Variants in CATSPERT observed in about 807,000 individuals in gnomAD.
CATSPERT encodes cation channel sperm-associated targeting subunit tau.
At chr2:201,601,402 A>G in the CATSPERT span, among the ~76,000 whole-genome samples, 1 of 151,816 alleles carries the variant, frequency 6.6e-6, no homozygotes, top group Non-Finnish European at 1.5e-5. Context: ...AGGAATGGGA[A>G]AGGAGATGGG....
chr2:201,616,603 A>G, the CATSPERT span, among the ~76,000 whole-genome samples: 1 of 152,224 alleles, frequency 6.6e-6, no homozygotes, highest in South Asian at 2.1e-4. Flanking sequence ...CCAATATCAT[A>G]CTGAATGGGC....
the CATSPERT span, among the ~76,000 whole-genome samples, chr2:201,579,026 AG>A: frequency 1.3e-5 from 2 of 152,142 alleles, no homozygotes; most frequent in African/African-American, 4.8e-5. Context: ...GTGTGTGTAT[AG>A]ATATGTTTGC....
At chr2:201,533,201 A>G in the CATSPERT span, among the ~76,000 whole-genome samples, 1 of 152,188 alleles carries the variant, frequency 6.6e-6, no homozygotes. Context: ...CTTAGACTGA[A>G]AGGAACAGGG....
chr2:201,572,404 G>A, the CATSPERT span, among the ~76,000 whole-genome samples: 4 of 152,140 alleles, frequency 2.6e-5, no homozygotes, highest in Non-Finnish European at 5.9e-5. Context: ...ACAGTATCAC[G>A]ATAGGTTAAG....
At chr2:201,604,035 A>C in the CATSPERT span, among the ~76,000 whole-genome samples, 1 of 152,154 alleles carries the variant, frequency 6.6e-6, no homozygotes, top group African/African-American at 2.4e-5. Context: ...TGACAGTTCT[A>C]TATGCATGTA....
At chr2:201,537,179 A>G in the CATSPERT span, among the ~76,000 whole-genome samples, 1 of 152,018 alleles carries the variant, frequency 6.6e-6, no homozygotes, top group Admixed American at 6.6e-5. Context: ...GTAGAACTTC[A>G]TGCTTTTTTC....
At chr2:201,490,892 G>A in the CATSPERT span, among the ~76,000 whole-genome samples, 7 of 151,886 alleles carry the variant, frequency 4.6e-5, no homozygotes, top group Middle Eastern at 3.2e-3. Flanking sequence ...CCCGGCTAAT[G>A]TTTTGTATTT....
At chr2:201,512,659 T>C in the CATSPERT span, among the ~76,000 whole-genome samples, 1 of 152,170 alleles carries the variant, frequency 6.6e-6, no homozygotes, top group Non-Finnish European at 1.5e-5. Flanking sequence ...ATTGTATGGA[T>C]GTACCAAAGT....
chr2:201,487,696 T>C, the CATSPERT span: 1 of 1,614,196 alleles, frequency 6.2e-7, no homozygotes, highest in Admixed American at 1.7e-5. Context: ...CTAAGCCTGA[T>C]GAAACCATTC....
the CATSPERT span, among the ~76,000 whole-genome samples, chr2:201,569,155 G>A: frequency 1.3e-5 from 2 of 152,132 alleles, no homozygotes; most frequent in Non-Finnish European, 2.9e-5. Flanking sequence ...AATACTAACA[G>A]CATAAATTTT....
chr2:201,490,156 C>T, the CATSPERT span, among the ~76,000 whole-genome samples: 11 of 152,156 alleles, frequency 7.2e-5, no homozygotes, highest in Non-Finnish European at 1.6e-4. Context: ...CGCGCCTGGC[C>T]TCCTAATTGT....
the CATSPERT span, chr2:201,534,550 CA>C: frequency 5.1e-6 from 5 of 982,108 alleles, no homozygotes; most frequent in African/African-American, 3.7e-5. Flanking sequence ...AGTCTTCAAA[CA>C]AAAAAATGGA....
the CATSPERT span, chr2:201,537,503 A>G: frequency 2.0e-6 from 3 of 1,522,610 alleles, no homozygotes; most frequent in East Asian, 2.3e-5. Flanking sequence ...TAATAGGGGT[A>G]TTTTATTTTA....
At chr2:201,588,775 T>C in the CATSPERT span, among the ~76,000 whole-genome samples, 201 of 151,658 alleles carry the variant, frequency 1.3e-3, no homozygotes, top group African/African-American at 4.7e-3. Context: ...ATCAGGCAAG[T>C]AAAAGAAATA....
chr2:201,508,815 C>CTT, the CATSPERT span, among the ~76,000 whole-genome samples: 39 of 147,374 alleles, frequency 2.6e-4, no homozygotes, highest in Admixed American at 6.1e-4. Context: ...GACGAGATTT[C>CTT]TTTTTTTTTT....
At chr2:201,618,509 A>C in the CATSPERT span, among the ~76,000 whole-genome samples, 37 of 139,720 alleles carry the variant, frequency 2.6e-4, no homozygotes, top group Admixed American at 1.1e-3. Context: ...GAATTGAACA[A>C]TGAGAATACT....
the CATSPERT span, among the ~76,000 whole-genome samples, chr2:201,561,719 A>C: frequency 2.0e-5 from 3 of 151,920 alleles, no homozygotes; most frequent in African/African-American, 7.3e-5. Context: ...TAAAAGTACA[A>C]AAAAATTAGC....
the CATSPERT span, among the ~76,000 whole-genome samples, chr2:201,504,531 A>T: frequency 6.6e-6 from 1 of 152,172 alleles, no homozygotes; most frequent in African/African-American, 2.4e-5. Context: ...TAAATGGACC[A>T]TTCAGGAATT....
At chr2:201,512,518 T>C in the CATSPERT span, among the ~76,000 whole-genome samples, 3 of 152,360 alleles carry the variant, frequency 2.0e-5, no homozygotes, top group Admixed American at 6.5e-5. Context: ...AAGAATGTTA[T>C]ATAAATGGAA....
Sources: gnomAD v4.1 joint callset for allele counts (sites outside exome capture counted in the v4.1 genomes callset) on GRCh38, gnomAD v4.1.1 for gene constraint, MANE v1.5 for transcripts, NCBI Gene and HGNC (gene_info 2026-07-23, HGNC 2026-07-21) for gene names.